Variants in GPX8 observed in about 807,000 individuals in gnomAD.
The protein encoded by GPX8 is glutathione peroxidase 8 (putative).
A neutral mutation model predicts 17.8 loss-of-function variants in GPX8; 12 were observed. That is an observed-to-expected ratio of 0.67 (90% CI 0.43 to 1.09). The LOEUF is 1.09. Among genes scored for constraint, GPX8 ranks in the 50% least tolerant of loss-of-function variants. The probability of loss-of-function intolerance (pLI) is 0.00; values close to 1 mark genes in which losing one functional copy is unlikely to be tolerated. For missense variants in GPX8, 209 were observed against 235.6 expected (o/e 0.89, Z 0.74); for synonymous variants, 86 against 88.1 (o/e 0.98, Z 0.14).
At chr5:55,163,225 A>G (rs1033055906) in intron 2 of GPX8, among the ~76,000 whole-genome samples, 2 of 152,206 alleles carry the variant, frequency 1.3e-5, no homozygotes, top group Non-Finnish European at 2.9e-5. Flanking sequence ...AAGATTTATC[A>G]AAAGGATATC....
At chr5:55,161,964 T>C (rs1282735555) in intron 2 of GPX8, among the ~76,000 whole-genome samples, 1 of 152,098 alleles carries the variant, frequency 6.6e-6, no homozygotes, top group Non-Finnish European at 1.5e-5. Context: ...TGTTTCTCAT[T>C]TGTAAAATGG....
chr5:55,162,177 C>T (rs1251505202), intron 2 of GPX8, among the ~76,000 whole-genome samples: 1 of 150,486 alleles, frequency 6.6e-6, no homozygotes, highest in Non-Finnish European at 1.5e-5. Flanking sequence ...AGGCAGATCA[C>T]TTAAGGTCAG....
intron 2 of GPX8, among the ~76,000 whole-genome samples, chr5:55,163,002 CG>C (rs1187383476): frequency 6.6e-6 from 1 of 151,994 alleles, no homozygotes; most frequent in East Asian, 1.9e-4. Flanking sequence ...ATCTGCAAAA[CG>C]GGGATGATAA....
Position 55,161,208 on chromosome 5 carries a change from T to C in GPX8, c.419T>C (p.Ile140Thr). 6.2e-7 allele frequency: 1 copy of C among 1,614,176 alleles called. No homozygotes were observed. Among genetic ancestry groups the C allele is most frequent in the African/African-American group, 1.3e-5 (1 of 75,076 alleles). The change falls in exon 2 of 3, where the codon ATT (isoleucine) becomes ACT (threonine). Residue 140 changes from isoleucine (I) to threonine (T), a missense_variant. Coordinates refer to ENST00000503787, the MANE Select transcript of GPX8 (RefSeq NM_001008397.4). Reference sequence around the variant, plus strand: ...GTAACTTTCCCCATCTTCCACAAGATTAAGATTCTAGGATCTGAAGGAGAA... The same window carrying C: ...GTAACTTTCCCCATCTTCCACAAGACTAAGATTCTAGGATCTGAAGGAGAA... ...YGVTFPIFHK[I>T]KILGSEGEPA...
intron 2 of GPX8, among the ~76,000 whole-genome samples, chr5:55,162,710 C>T (rs1202144939): frequency 6.6e-6 from 1 of 152,248 alleles, no homozygotes; most frequent in Non-Finnish European, 1.5e-5. Context: ...AAAGCCCAAG[C>T]ACATGCCATT....
In GPX8 at chr5:55,164,184, G is replaced by A. The variant is rs1744252857; in HGVS notation, c.596G>A (p.Arg199Lys). 5.1e-6 allele frequency: 8 copies of A among 1,567,540 alleles called. No homozygotes were observed. Among genetic ancestry groups the A allele is most frequent in the Non-Finnish European group, 4.3e-6 (5 of 1,152,750 alleles). Residue 199 changes from arginine to lysine, a missense_variant, in exon 3 of 3, where the codon AGA (arginine) becomes AAA (lysine). Physicochemically the swap from Arg to Lys is conservative, Grantham distance 26 (BLOSUM62 2). Transcript: ENST00000503787. ...AGGCCTGACATAGCAGCTCTGGTTAGACAAGTGATCATAAAAAAGAAAGAG... is the reference window on the plus strand; with the variant it reads ...AGGCCTGACATAGCAGCTCTGGTTAAACAAGTGATCATAAAAAAGAAAGAG... ...VIRPDIAALV[R>K]QVIIKKKEDL
rs546572830 is a variant in GPX8, at chr5:55,161,639, A to G, written c.466+384A>G. On this transcript the variant is annotated intron_variant, in intron 2 of 2. Transcript: ENST00000503787. Reference sequence around the variant, plus strand: ...GCTCTCATGAATAGTGCTGGGCATTATTAGTTAACATATGTTTGTGGCTAA... The same window carrying G: ...GCTCTCATGAATAGTGCTGGGCATTGTTAGTTAACATATGTTTGTGGCTAA... 1.7e-4 allele frequency among the ~76,000 whole-genome samples: 26 copies of G among 152,352 alleles called. No individual in the cohort carries two copies. In the East Asian group the frequency reaches 4.8e-3, roughly 28 times the overall value.
In GPX8 at chr5:55,164,411, A is replaced by T. The variant is rs577336301; in HGVS notation, c.*193A>T. ...ATGTGGCAATGAAGGATTTTTTTTT[A>T]ATGTTATCTTGCTATTAAGTGGTAA... On this transcript the variant is annotated 3_prime_UTR_variant, in exon 3 of 3. Coordinates refer to ENST00000503787, the MANE Select transcript of GPX8 (RefSeq NM_001008397.4). The T allele has an allele frequency of 5.4e-6, 2 of 369,694 alleles. No individual in the cohort carries two copies. The highest frequency in any genetic ancestry group is 8.1e-5 in the East Asian group (2 of 24,822). 22.9% of individuals were successfully genotyped at this position (369,694 alleles called of 1,614,324 possible).
chr5:55,162,133 C>T (rs564276411), intron 2 of GPX8, among the ~76,000 whole-genome samples: 5 of 150,474 alleles, frequency 3.3e-5, no homozygotes, highest in African/African-American at 7.3e-5. Flanking sequence ...CGGTGGCTCA[C>T]GCCTGTAATC....
Position 55,161,167 on chromosome 5 carries a change from A to C in GPX8, c.378A>C (p.Ala126=), listed in dbSNP as rs1266380065. Reference sequence around the variant, plus strand: ...CAAGCAAGGAAGTAGAATCTTTTGCAAGAAAAAACTACGGAGTAACTTTCC... The same window carrying C: ...CAAGCAAGGAAGTAGAATCTTTTGCCAGAAAAAACTACGGAGTAACTTTCC... The part of the protein sequence containing the change: ...PRPSKEVESF[A]RKNYGVTFPI... Residue 126 remains alanine (A), a synonymous_variant, in exon 2 of 3, where the codon GCA becomes GCC. Coordinates refer to ENST00000503787, the MANE Select transcript of GPX8 (RefSeq NM_001008397.4). 2.5e-6 allele frequency: 4 copies of C among 1,614,114 alleles called. No homozygotes were observed. Among genetic ancestry groups the C allele is most frequent in the Non-Finnish European group, 3.4e-6 (4 of 1,180,040 alleles).
At position 55,166,755 on chromosome 5, in the gene GPX8, A is replaced by C. The variant is rs1744410940; in HGVS notation, c.*2537A>C. 1 of 152,444 alleles carries C rather than the reference A, an allele frequency of 6.6e-6. No homozygotes were observed. The highest frequency in any genetic ancestry group is 1.5e-5 in the Non-Finnish European group (1 of 68,230). 9.4% of individuals were successfully genotyped at this position (152,444 alleles called of 1,614,324 possible). A position where few individuals can be genotyped will look rare whatever the true frequency, so the allele number is the denominator to read the frequency against. On this transcript the variant is annotated 3_prime_UTR_variant, in exon 3 of 3. Transcript: ENST00000503787. ...AAAAATATCAACATCAGAGCCTGGC[A>C]CAGTGGCTCACACCGGTAATCCCAG...
rs1281410386 is a variant in GPX8 at position 55,161,136 on chromosome 5, C to T, written c.347C>T (p.Pro116Leu). The change falls in exon 2 of 3, where the codon CCC (proline) becomes CTC (leucine). Residue 116 changes from proline to leucine, a missense_variant. Pro to Leu is a moderately conservative substitution (Grantham distance 98). Transcript: ENST00000503787. ...TGCAATCAGTTTGGAGAATCGGAGC[C>T]CCGCCCAAGCAAGGAAGTAGAATCT... ...FPCNQFGESE[P>L]RPSKEVESFA... 1.2e-6 allele frequency: 2 copies of T among 1,614,130 alleles called. No individual in the cohort carries two copies. Among genetic ancestry groups the T allele is most frequent in the Non-Finnish European group, 1.7e-6 (2 of 1,180,032 alleles).
At chr5:55,160,905 C>T in intron 1 of GPX8, 89 bp from the exon 2 acceptor site, 6 of 1,352,440 alleles carry the variant, frequency 4.4e-6, no homozygotes, top group Non-Finnish European at 5.0e-6. Flanking sequence ...TATAGTCCCC[C>T]CCAAATTGTT....
In GPX8 at chr5:55,161,244, G is replaced by T. The variant is rs375307186; in HGVS notation, c.455G>T (p.Arg152Ile). 5.0e-6 allele frequency: 8 copies of T among 1,613,338 alleles called. No individual in the cohort carries two copies. Among genetic ancestry groups the T allele is most frequent in the Non-Finnish European group, 6.8e-6 (8 of 1,179,638 alleles). The change falls in exon 2 of 3, where the codon AGA becomes ATA. Residue 152 changes from arginine (R) to isoleucine (I), a missense_variant. Physicochemically the swap from Arg to Ile is moderately conservative, Grantham distance 97. Transcript: ENST00000503787. ...GGATCTGAAGGAGAACCTGCATTTA[G>T]ATTTCTTGTTGGTAAATATCTGCCT... ...ILGSEGEPAF[R>I]FLVDSSKKEP... is the part of the protein sequence containing the mutation.
chr5:55,164,240 A>G lies in GPX8; in HGVS notation c.*22A>G, dbSNP rs752697463. 1.3e-6 allele frequency: 2 copies of G among 1,491,756 alleles called. No homozygotes were observed. The highest frequency in any genetic ancestry group is 2.3e-5 in the East Asian group (1 of 43,038). The allele number at this position is 1,491,756 out of a possible 1,614,324, so 92.4% of individuals were successfully genotyped here. Reference sequence around the variant, plus strand: ...ATGAGAATGCCATTGCGTTTCTAATAGAACAGAGAAATGTCTCCATGAGGG... The same window carrying G: ...ATGAGAATGCCATTGCGTTTCTAATGGAACAGAGAAATGTCTCCATGAGGG... On this transcript the variant is annotated 3_prime_UTR_variant, in exon 3 of 3. Transcript: ENST00000503787.
At chr5:55,163,329 C>G (rs1744190694) in intron 2 of GPX8, among the ~76,000 whole-genome samples, 1 of 151,868 alleles carries the variant, frequency 6.6e-6, no homozygotes, top group Admixed American at 6.6e-5. Flanking sequence ...CAAGCCCATC[C>G]CGGGCAACAC....
rs1223870418 is a variant in GPX8 at position 55,164,271 on chromosome 5, T to A, written c.*53T>A. 2 of 1,364,374 alleles carry A rather than the reference T, an allele frequency of 1.5e-6. No individual in the cohort carries two copies. The highest frequency in any genetic ancestry group is 1.5e-5 in the African/African-American group (1 of 68,174). The allele number at this position is 1,364,374 out of a possible 1,614,324, so 84.5% of individuals were successfully genotyped here. A position where few individuals can be genotyped will look rare whatever the true frequency, so the allele number is the denominator to read the frequency against. On this transcript the variant is annotated 3_prime_UTR_variant, in exon 3 of 3. Coordinates refer to ENST00000503787, the MANE Select transcript of GPX8 (RefSeq NM_001008397.4). The stretch of plus-strand genomic sequence containing the variant: ...GAGAAATGTCTCCATGAGGGTTTGG[T>A]CTCATTTTAAACATTTTTTTTTTGG...
chr5:55,163,904 G>A (rs1293616629), intron 2 of GPX8, 151 bp from the exon 3 acceptor site: 1 of 498,004 alleles, frequency 2.0e-6, no homozygotes, highest in African/African-American at 2.0e-5. Context: ...CTCTAACCTT[G>A]AGTTTCACTT....
Position 55,160,354 on chromosome 5 carries a change from T to C in GPX8, c.162T>C (p.Asp54=). 6.2e-7 allele frequency: 1 copy of C among 1,613,442 alleles called. No individual in the cohort carries two copies. Among genetic ancestry groups the C allele is most frequent in the African/African-American group, 1.3e-5 (1 of 75,026 alleles). Residue 54 remains aspartate, a synonymous_variant, in exon 1 of 3, where the codon GAT becomes GAC. Coordinates refer to ENST00000503787, the MANE Select transcript of GPX8 (RefSeq NM_001008397.4). The part of the protein sequence containing the change: ...INSFYAFEVK[D]AKGRTVSLEK... ...GCTTTTATGCCTTTGAAGTGAAGGATGCAAAAGGAAGAACTGTTTCTCTGG... is the reference window on the plus strand; with the variant it reads ...GCTTTTATGCCTTTGAAGTGAAGGACGCAAAAGGAAGAACTGTTTCTCTGG...
Sources: allele counts gnomAD v4.1 joint callset (sites outside exome capture counted in the v4.1 genomes callset), GRCh38; gene constraint gnomAD v4.1.1; transcripts MANE v1.5; gene names NCBI Gene and HGNC (gene_info 2026-07-23, HGNC 2026-07-21).